ANO2: variants seen among roughly 807,000 people sequenced by gnomAD.
ANO2 encodes the protein anoctamin-2.
In ANO2, 101 loss-of-function variants were observed where a neutral mutation model predicts 124.2. That is an observed-to-expected ratio of 0.81 (90% CI 0.69 to 0.96). The LOEUF (loss-of-function observed/expected upper bound fraction) is 0.96. Among genes scored for constraint, ANO2 ranks in the 40% least tolerant of loss-of-function variants. The pLI is 0.00. For missense variants in ANO2, 1,293 were observed against 1,274.5 expected, an observed-to-expected ratio of 1.01 and a Z score of -0.22; for synonymous variants, 486 against 482.5, an observed-to-expected ratio of 1.01 and a Z score of -0.09.
chr12:5,570,206 C>T (rs1241732060), intron 23 of ANO2, among the ~76,000 whole-genome samples: 1 of 152,064 alleles, frequency 6.6e-6, no homozygotes, highest in Non-Finnish European at 1.5e-5. Context: ...TCCATTAACT[C>T]AAAATATATT....
chr12:5,675,491 T>C lies in ANO2; in HGVS notation c.1546-27690A>G, dbSNP rs1013823527. Among the ~76,000 whole-genome samples the C allele has an allele frequency of 2.2e-4, 34 of 152,250 alleles. 1 individual carries two copies. The highest frequency in any genetic ancestry group is 2.9e-4 in the Non-Finnish European group (20 of 68,002). ...CTTCTTTTGGGGGAAAGGGAGCCAA[T>C]TGTCACCTCCTCCAGACCCTCGTAT... On this transcript the variant is annotated intron_variant, in intron 14 of 24. Coordinates refer to ENST00000682330, the MANE Select transcript of ANO2 (RefSeq NM_001364791.2).
intron 3 of ANO2, among the ~76,000 whole-genome samples, chr12:5,866,618 G>A (rs1193610954): frequency 7.9e-5 from 12 of 152,222 alleles, no homozygotes; most frequent in Non-Finnish European, 1.0e-4. Flanking sequence ...CGTTGTGAGC[G>A]GCATGGAAGA....
At chr12:5,721,070 G>C (rs763884430) in intron 14 of ANO2, among the ~76,000 whole-genome samples, 8 of 152,174 alleles carry the variant, frequency 5.3e-5, no homozygotes, top group African/African-American at 1.9e-4. Flanking sequence ...CCCGAACCAC[G>C]CTGGAGATTG....
At chr12:5,824,104 G>A (rs1321566096) in intron 7 of ANO2, among the ~76,000 whole-genome samples, 2 of 152,188 alleles carry the variant, frequency 1.3e-5, no homozygotes, top group Non-Finnish European at 2.9e-5. Flanking sequence ...CTCTGGGTCT[G>A]TGATGGGAGA....
intron 3 of ANO2, among the ~76,000 whole-genome samples, chr12:5,883,504 TGTGTG>T (rs1200651978): frequency 0.054 from 1,366 of 25,276 alleles, 18 homozygotes; most frequent in African/African-American, 0.099. Context: ...ATTAGGGTGG[TGTGTG>T]TGTGTGTGTG....
At chr12:5,681,698 T>C (rs1948498407) in intron 14 of ANO2, among the ~76,000 whole-genome samples, 1 of 152,220 alleles carries the variant, frequency 6.6e-6, no homozygotes, top group Non-Finnish European at 1.5e-5. Flanking sequence ...TTATTCAGTT[T>C]CATATCCTCT....
chr12:5,667,585 G>A (rs1433096890), intron 14 of ANO2, among the ~76,000 whole-genome samples: 5 of 152,032 alleles, frequency 3.3e-5, no homozygotes, highest in African/African-American at 7.2e-5. Context: ...TGTGGAGGAC[G>A]TGCAGGTTTG....
intron 20 of ANO2, among the ~76,000 whole-genome samples, chr12:5,598,061 C>T (rs546314183): frequency 4.6e-5 from 7 of 152,262 alleles, no homozygotes; most frequent in African/African-American, 1.7e-4. Flanking sequence ...TTTCCATGGC[C>T]GTCTGATCTA....
At chr12:5,820,344 G>A (rs1004973663) in intron 7 of ANO2, among the ~76,000 whole-genome samples, 1 of 152,184 alleles carries the variant, frequency 6.6e-6, no homozygotes, top group Non-Finnish European at 1.5e-5. Flanking sequence ...CTGAGATGAC[G>A]TTGATTCCAG....
At chr12:5,859,477 T>G (rs183238265) in intron 3 of ANO2, among the ~76,000 whole-genome samples, 1 of 152,250 alleles carries the variant, frequency 6.6e-6, no homozygotes, top group East Asian at 1.9e-4. Context: ...GTGAGTACTG[T>G]GGCCAAAGGA....
rs149056611 is a variant in ANO2, at chr12:5,661,416, A to T, written c.1546-13615T>A. Reference sequence around the variant, plus strand: ...CCATTAGTTTTCCTACTACATAAACATGGAAGGGAATCAGAATCCTTTGTT... The same window carrying T: ...CCATTAGTTTTCCTACTACATAAACTTGGAAGGGAATCAGAATCCTTTGTT... On this transcript the variant is annotated intron_variant, in intron 14 of 24. Coordinates refer to ENST00000682330, the MANE Select transcript of ANO2 (RefSeq NM_001364791.2). 3.0e-3 allele frequency among the ~76,000 whole-genome samples: 459 copies of T among 152,314 alleles called. 3 individuals are homozygous for T. The highest frequency in any genetic ancestry group is 0.011 in the African/African-American group (443 of 41,554).
At chr12:5,654,118 T>G (rs980796916) in intron 14 of ANO2, among the ~76,000 whole-genome samples, 1 of 152,170 alleles carries the variant, frequency 6.6e-6, no homozygotes, top group Non-Finnish European at 1.5e-5. Context: ...AACTAGCAGA[T>G]AGCAAGTCAT....
intron 14 of ANO2, among the ~76,000 whole-genome samples, chr12:5,697,454 T>TA (rs1329716778): frequency 6.6e-6 from 1 of 151,518 alleles, no homozygotes; most frequent in Non-Finnish European, 1.5e-5. Context: ...TAAATAAAAT[T>TA]AAAAAATTAA....
At chr12:5,674,602 C>A (rs1204904433) in intron 14 of ANO2, among the ~76,000 whole-genome samples, 2 of 152,204 alleles carry the variant, frequency 1.3e-5, no homozygotes, top group African/African-American at 4.8e-5. Flanking sequence ...AAGCTCTCCC[C>A]AGGAAAAGCA....
At chr12:5,626,870 G>A (rs1408882064) in intron 16 of ANO2, among the ~76,000 whole-genome samples, 2 of 152,172 alleles carry the variant, frequency 1.3e-5, no homozygotes, top group Middle Eastern at 3.2e-3. Flanking sequence ...AACAAAGGAG[G>A]AGCACCACAG....
At chr12:5,750,589 C>G (rs1421416849) in intron 11 of ANO2, among the ~76,000 whole-genome samples, 2 of 152,228 alleles carry the variant, frequency 1.3e-5, no homozygotes, top group African/African-American at 4.8e-5. Context: ...TCAGACACAT[C>G]CCCCTGCCCT....
chr12:5,672,757 G>GAAA (rs1948074253), intron 14 of ANO2, among the ~76,000 whole-genome samples: 1 of 152,150 alleles, frequency 6.6e-6, no homozygotes, highest in Non-Finnish European at 1.5e-5. Context: ...CCAGGCAAGA[G>GAAA]TCTAGAAATG....
rs1398353532 is a variant in ANO2, at chr12:5,921,367, C to T, written c.208-1G>A. 9.9e-6 allele frequency: 16 copies of T among 1,612,758 alleles called. 1 individual carries two copies. The highest frequency in any genetic ancestry group is 1.1e-5 in the Non-Finnish European group (13 of 1,179,250). ...TGGCATCCAGATAGTTGTTGATGACCTGGCCAGAGAGAGAGGAGAGGCAGG... is the reference window on the plus strand; with the variant it reads ...TGGCATCCAGATAGTTGTTGATGACTTGGCCAGAGAGAGAGGAGAGGCAGG... On this transcript the variant is annotated splice_acceptor_variant, in intron 2 of 24. Transcript: ENST00000682330. LOFTEE classifies it high-confidence loss of function.
chr12:5,794,224 A>AT (rs1952780975), intron 10 of ANO2, among the ~76,000 whole-genome samples: 1 of 152,188 alleles, frequency 6.6e-6, no homozygotes, highest in Admixed American at 6.5e-5. Context: ...TGCAAATGCC[A>AT]TGGTGCTGAT....
Sources: allele counts gnomAD v4.1 joint callset (sites outside exome capture counted in the v4.1 genomes callset), GRCh38; gene constraint gnomAD v4.1.1; transcripts MANE v1.5; gene names NCBI Gene and HGNC (gene_info 2026-07-23, HGNC 2026-07-21).